Variants in THAP12 observed in about 807,000 individuals in gnomAD.
THAP12 encodes the protein THAP domain containing 12, also known as 52 kDa repressor of the inhibitor of the protein kinase.
THAP12 carries 20 observed loss-of-function variants against 63.0 expected under a neutral mutation model. The ratio of observed to expected loss-of-function variants is 0.32; its 90% CI spans 0.22 to 0.46. The LOEUF is 0.46. Among genes scored for constraint, THAP12 ranks in the 20% least tolerant of loss-of-function variants. THAP12 has a pLI of 1.00. For missense variants in THAP12, 568 were observed against 908.2 expected (o/e 0.63, Z 4.81); for synonymous variants, 264 against 328.4 (o/e 0.80, Z 2.12).
chr11:76,365,839 T>A lies in THAP12; in HGVS notation c.210+13A>T, dbSNP rs1162984580. The A allele has an allele frequency of 1.2e-6, 2 of 1,609,062 alleles. No homozygotes were observed. The highest frequency in any genetic ancestry group is 8.5e-7 in the Non-Finnish European group (1 of 1,178,138). ...AGTCAAACAGAGAGACACCAAGCTC[T>A]TCTATTACTCACAGTTCTACAGATC... is the stretch of plus-strand genomic sequence containing the variant. On this transcript the variant is annotated intron_variant, in intron 2 of 4. Coordinates refer to ENST00000260045, the MANE Select transcript of THAP12 (RefSeq NM_004705.4).
chr11:76,359,628 G>C (rs921040637), intron 3 of THAP12: 5 of 152,184 alleles, frequency 3.3e-5, no homozygotes, highest in African/African-American at 1.2e-4. Context: ...AGGAGTTGGA[G>C]ACCAGCCTGG....
At chr11:76,380,725 C>G in intron 1 of THAP12, 23 bp downstream of exon 1, 1 of 1,398,836 alleles carries the variant, frequency 7.1e-7, no homozygotes, top group Non-Finnish European at 9.4e-7. Flanking sequence ...GCCCGGGCCG[C>G]CCGCTCTGCG....
intron 4 of THAP12, 33 bp from the exon 5 acceptor site, chr11:76,352,827 C>A: frequency 1.3e-6 from 2 of 1,501,964 alleles, no homozygotes; most frequent in Non-Finnish European, 1.8e-6. Context: ...TACAAACAGG[C>A]TCATGAAAAA....
chr11:76,355,570 C>G (rs2134500325), intron 4 of THAP12, 48 bp downstream of exon 4: 1 of 1,517,082 alleles, frequency 6.6e-7, no homozygotes, highest in South Asian at 1.3e-5. Context: ...CAGGTCAAGG[C>G]CTTTTTAAAA....
intron 1 of THAP12, 47 bp from the exon 2 acceptor site, chr11:76,366,019 A>G: frequency 2.5e-6 from 4 of 1,593,204 alleles, no homozygotes; most frequent in Middle Eastern, 1.7e-4. Context: ...CTCAGCATTT[A>G]AATTTCAGCC....
intron 1 of THAP12, among the ~76,000 whole-genome samples, chr11:76,371,097 C>G (rs933526430): frequency 1.9e-4 from 29 of 152,072 alleles, no homozygotes; most frequent in Admixed American, 5.2e-4. Flanking sequence ...CACCCTGGTC[C>G]AAGCTACCAT....
chr11:76,352,277 C>T lies in THAP12; in HGVS notation c.873G>A (p.Glu291=), dbSNP rs1325733824. Residue 291 remains glutamate (E), a synonymous_variant, in exon 5 of 5, where the codon GAG becomes GAA. Transcript: ENST00000260045. ...CATAAGGCAGGAAGCCTATAAATTCCTCTCTTAGGTTATGAGATTCATCAA... is the reference window on the plus strand; with the variant it reads ...CATAAGGCAGGAAGCCTATAAATTCTTCTCTTAGGTTATGAGATTCATCAA... ...RFVDESHNLR[E]EFIGFLPYEA... 4.3e-6 allele frequency: 7 copies of T among 1,611,642 alleles called. No homozygotes were observed. The East Asian group carries it at 1.3e-4, about 31-fold the overall frequency.
Position 76,355,674 on chromosome 11 carries a change from A to G in THAP12, c.319-20T>C. On this transcript the variant is annotated intron_variant, in intron 3 of 4. Transcript: ENST00000260045. ...TTCACTCTAAATGTCAAGAAAAAAA[A>G]AGAAAAAAACAAATCATCTTTAAAA... 3 of 1,567,960 alleles carry G rather than the reference A, an allele frequency of 1.9e-6. No homozygotes were observed. The African/African-American group carries it at 4.1e-5, about 21-fold the overall frequency.
chr11:76,369,189 C>T (rs570960745), intron 1 of THAP12, among the ~76,000 whole-genome samples: 5 of 152,162 alleles, frequency 3.3e-5, no homozygotes, highest in African/African-American at 1.2e-4. Flanking sequence ...AAAGCCAAAA[C>T]AAATTACTAC....
chr11:76,378,663 G>A (rs1470630962), intron 1 of THAP12, among the ~76,000 whole-genome samples: 1 of 151,514 alleles, frequency 6.6e-6, no homozygotes, highest in African/African-American at 2.4e-5. Context: ...CCTGACTGGA[G>A]TGCAGTGGCA....
chr11:76,359,945 A>G (rs1201042939), intron 3 of THAP12, among the ~76,000 whole-genome samples: 1 of 152,236 alleles, frequency 6.6e-6, no homozygotes, highest in Non-Finnish European at 1.5e-5. Flanking sequence ...GTAATAAAAC[A>G]GTGTGGTATA....
chr11:76,359,215 C>G (rs1164259118), intron 3 of THAP12: 1 of 152,148 alleles, frequency 6.6e-6, no homozygotes, highest in South Asian at 2.1e-4. Flanking sequence ...ACAACTGTAA[C>G]AAAAGCTCTC....
intron 4 of THAP12, among the ~76,000 whole-genome samples, chr11:76,355,300 T>C (rs984961992): frequency 6.6e-6 from 1 of 152,214 alleles, no homozygotes; most frequent in East Asian, 1.9e-4. Flanking sequence ...AGAGATTCAG[T>C]GCATGCCTCT....
intron 1 of THAP12, among the ~76,000 whole-genome samples, chr11:76,366,571 C>T (rs1946632697): frequency 6.6e-6 from 1 of 152,106 alleles, no homozygotes; most frequent in Non-Finnish European, 1.5e-5. Flanking sequence ...GTCCCAGCTA[C>T]TCGGGAGGCT....
intron 1 of THAP12, among the ~76,000 whole-genome samples, chr11:76,375,119 T>A (rs1946700241): frequency 6.6e-6 from 1 of 152,204 alleles, no homozygotes; most frequent in Non-Finnish European, 1.5e-5. Flanking sequence ...AACCACTGTT[T>A]TACATTTCAC....
In THAP12 at chr11:76,351,732, G is replaced by A; in HGVS notation, c.1418C>T (p.Ala473Val). The A allele has an allele frequency of 6.2e-7, 1 of 1,612,698 alleles. No homozygotes were observed. The highest frequency in any genetic ancestry group is 1.1e-5 in the South Asian group (1 of 90,788). Residue 473 changes from alanine to valine, a missense_variant, in exon 5 of 5, where the codon GCA becomes GTA. Physicochemically the swap from Ala to Val is moderately conservative, Grantham distance 64 (BLOSUM62 0). Coordinates refer to ENST00000260045, the MANE Select transcript of THAP12 (RefSeq NM_004705.4). The stretch of plus-strand genomic sequence containing the variant: ...AACAATGAAATCAAAATCTGACACT[G>A]CACTGCAGAGTACAAATGCTCGGCC... ...IAGRAFVLCS[A>V]VSDFDFIVTI...
intron 1 of THAP12, among the ~76,000 whole-genome samples, chr11:76,372,261 G>C (rs1332171156): frequency 2.0e-5 from 3 of 151,952 alleles, no homozygotes; most frequent in Non-Finnish European, 2.9e-5. Flanking sequence ...GCCACTTTCT[G>C]TACACACCTT....
chr11:76,355,460 G>C (rs1378704728), intron 4 of THAP12, among the ~76,000 whole-genome samples, 158 bp downstream of exon 4: 1 of 152,180 alleles, frequency 6.6e-6, no homozygotes, highest in Non-Finnish European at 1.5e-5. Flanking sequence ...TTAGACTTTA[G>C]TCTCATAGAT....
chr11:76,365,821 CAGAG>C lies in THAP12; in HGVS notation c.210+27_210+30del, dbSNP rs1418765914. ...AGTGAGAGAGAGAAATCAAGTCAAA[CAGAG>C]AGACACCAAGCTCTTCTATTACTCA... On this transcript the variant is annotated intron_variant, in intron 2 of 4. Transcript: ENST00000260045. The C allele has an allele frequency of 1.2e-6, 2 of 1,601,228 alleles. 1 individual carries two copies. The highest frequency in any genetic ancestry group is 4.5e-5 in the East Asian group (2 of 44,720).
Sources: gnomAD v4.1 joint callset for allele counts (sites outside exome capture counted in the v4.1 genomes callset) on GRCh38, gnomAD v4.1.1 for gene constraint, MANE v1.5 for transcripts, NCBI Gene and HGNC (gene_info 2026-07-23, HGNC 2026-07-21) for gene names.